The following PCNA variants were observed in gnomAD, a reference collection of about 807,000 sequenced individuals.
The protein encoded by PCNA is DNA sliding clamp PCNA.
Under a neutral mutation model 27.8 loss-of-function variants are expected in PCNA, and 4 were observed. That is an observed-to-expected ratio of 0.14 (90% CI 0.07 to 0.33). The LOEUF (loss-of-function observed/expected upper bound fraction) is 0.33. Among genes scored for constraint, PCNA ranks in the 10% least tolerant of loss-of-function variants. The pLI, the probability that PCNA is intolerant of heterozygous loss-of-function variation, is 1.00. For missense variants in PCNA, 165 were observed against 327.4 expected, an observed-to-expected ratio of 0.50 and a Z score of 3.83; for synonymous variants, 121 against 119.4, an observed-to-expected ratio of 1.01 and a Z score of -0.09.
chr20:5,120,698 CTGT>C (rs925982823), upstream of PCNA, among the ~76,000 whole-genome samples: 12 of 152,164 alleles, frequency 7.9e-5, no homozygotes, highest in Non-Finnish European at 1.6e-4. Context: ...TATCAATCTC[CTGT>C]TGTTTAACTA....
chr20:5,117,420 G>T (rs745686344), intron 4 of PCNA, 50 bp downstream of exon 4: 23 of 1,256,902 alleles, frequency 1.8e-5, no homozygotes, highest in Non-Finnish European at 2.6e-5. Context: ...CTAATAAGCA[G>T]TATTATAATT....
At position 5,119,632 on chromosome 20, in the gene PCNA, C is replaced by A. The variant is rs1402628841; in HGVS notation, c.167G>T (p.Gly56Val). The change falls in exon 1 of 6, where the codon GGC (glycine) becomes GTC (valine). Residue 56 changes from glycine (G) to valine (V), a missense_variant. Transcript: ENST00000379143. ...SLVQLTLRSEGFDTYRCDRNL... is the reference protein window; with the variant it reads ...SLVQLTLRSEVFDTYRCDRNL... The stretch of plus-strand genomic sequence containing the variant: ...GCGGTCGCAGCGGTAGGTGTCGAAG[C>A]CCTCAGACCGCAGGGTGAGCTGCAC... The A allele has an allele frequency of 6.2e-7, 1 of 1,613,788 alleles. No homozygotes were observed. Among genetic ancestry groups the A allele is most frequent in the Non-Finnish European group, 8.5e-7 (1 of 1,179,954 alleles).
upstream of PCNA, among the ~76,000 whole-genome samples, chr20:5,123,513 G>A (rs1378148364): frequency 6.6e-6 from 1 of 152,038 alleles, no homozygotes; most frequent in African/African-American, 2.4e-5. Flanking sequence ...AGGCCAACAT[G>A]GTGAAACCCC....
chr20:5,120,673 G>A (rs970573027), upstream of PCNA, among the ~76,000 whole-genome samples: 1 of 152,048 alleles, frequency 6.6e-6, no homozygotes, highest in Non-Finnish European at 1.5e-5. Context: ...AGCATCACAT[G>A]TATATAACAT....
intron 1 of PCNA, among the ~76,000 whole-genome samples, 156 bp from the exon 2 acceptor site, chr20:5,119,022 G>C (rs1309961701): frequency 6.6e-6 from 1 of 152,092 alleles, no homozygotes; most frequent in Non-Finnish European, 1.5e-5. Flanking sequence ...TATTAATGCA[G>C]ACGTTTTGGG....
At chr20:5,116,677 G>C (rs3730433) in intron 4 of PCNA, among the ~76,000 whole-genome samples, 1 of 152,042 alleles carries the variant, frequency 6.6e-6, no homozygotes, top group Non-Finnish European at 1.5e-5. Context: ...GTTTAAGATG[G>C]AATCTTGCTC....
rs1193549367 is a variant in PCNA, at chr20:5,119,951, C to T, written c.-153G>A. The T allele has an allele frequency of 6.3e-6, 4 of 633,678 alleles. No homozygotes were observed. The highest frequency in any genetic ancestry group is 5.7e-5 in the South Asian group (3 of 52,612). 39.3% of individuals were successfully genotyped at this position (633,678 alleles called of 1,614,324 possible). A position where few individuals can be genotyped will look rare whatever the true frequency, so the allele number is the denominator to read the frequency against. ...ACGACCACTCTGCTACGCCTGCAAC[C>T]GTTTAATGCCGCCGCGTCCGCAAGC... On this transcript the variant is annotated 5_prime_UTR_variant, in exon 1 of 6. Coordinates refer to ENST00000379143, the MANE Select transcript of PCNA (RefSeq NM_182649.2).
intron 4 of PCNA, among the ~76,000 whole-genome samples, chr20:5,116,802 G>A (rs750858289): frequency 2.3e-4 from 35 of 152,104 alleles, no homozygotes; most frequent in Non-Finnish European, 4.6e-4. Context: ...ACAGGTGTGC[G>A]CCACCACACC....
rs534025251 is a variant in PCNA, at chr20:5,117,924, C to T, written c.388-260G>A. Among the ~76,000 whole-genome samples the T allele has an allele frequency of 3.3e-5, 5 of 152,338 alleles. No homozygotes were observed. The East Asian group carries it at 9.6e-4, about 29-fold the overall frequency. On this transcript the variant is annotated intron_variant, in intron 3 of 5. Transcript: ENST00000379143. ...GAACATTAGAGTATGGCACAGAAAT[C>T]ATGATGGCGCAAGCAGGCCTAACTA...
In PCNA at chr20:5,119,486, C is replaced by T. The variant is rs547909328; in HGVS notation, c.221+92G>A. 1,289 of 1,040,338 alleles carry T rather than the reference C, an allele frequency of 1.2e-3. 4 individuals are homozygous for T. The highest frequency in any genetic ancestry group is 2.8e-3 in the Middle Eastern group (9 of 3,236). The allele number at this position is 1,040,338 out of a possible 1,614,324, so 64.4% of individuals were successfully genotyped here. On this transcript the variant is annotated intron_variant, in intron 1 of 5. Coordinates refer to ENST00000379143, the MANE Select transcript of PCNA (RefSeq NM_182649.2). ...AATGAGAAGGCGCGGATGGCCCACG[C>T]CAGCCAATGAGGGCTAGGCTCGAAA...
chr20:5,125,470 ATAAAT>A (rs1432549387), intron 1 of PCNA, among the ~76,000 whole-genome samples: 4 of 152,206 alleles, frequency 2.6e-5, no homozygotes, highest in African/African-American at 4.8e-5. Context: ...AAAAGGAGAA[ATAAAT>A]TAATTAAAAT....
chr20:5,119,922 G>A lies in PCNA; in HGVS notation c.-124C>T, dbSNP rs947315972. On this transcript the variant is annotated 5_prime_UTR_variant, in exon 1 of 6. Transcript: ENST00000379143. The stretch of plus-strand genomic sequence containing the variant: ...GCGACGACCGGCTGAGACCTAGAAA[G>A]ACAACGACCACTCTGCTACGCCTGC... 1.4e-5 allele frequency: 10 copies of A among 720,018 alleles called. No homozygotes were observed. Among genetic ancestry groups the A allele is most frequent in the Admixed American group, 1.2e-4 (5 of 42,892 alleles). The allele number at this position is 720,018 out of a possible 1,614,324, so 44.6% of individuals were successfully genotyped here.
intron 1 of PCNA, among the ~76,000 whole-genome samples, chr20:5,125,490 A>G (rs2090541495): frequency 6.6e-6 from 1 of 152,246 alleles, no homozygotes; most frequent in Admixed American, 6.5e-5. Flanking sequence ...TAAAATTTAA[A>G]AATTGAAAAG....
chr20:5,125,858 C>T (rs182677926), intron 1 of PCNA, among the ~76,000 whole-genome samples: 2 of 152,108 alleles, frequency 1.3e-5, no homozygotes, highest in African/African-American at 2.4e-5. Context: ...GTGTCAAAGA[C>T]ATAGAGGATG....
intron 3 of PCNA, among the ~76,000 whole-genome samples, chr20:5,117,997 A>G (rs1271015265): frequency 6.6e-6 from 1 of 152,234 alleles, no homozygotes; most frequent in Non-Finnish European, 1.5e-5. Context: ...TCAACATTCA[A>G]ACATTTCTTC....
chr20:5,118,670 C>T lies in PCNA; in HGVS notation c.327G>A (p.Glu109=), dbSNP rs138039813. ...LALVFEAPNQ[E]KVSDYEMKLM... ...ACTTCATTTCATAGTCTGAAACTTT[C>T]TCCTGGTCTACCAAAAGAAAGCAGA... Residue 109 remains glutamate (E), a synonymous_variant, in exon 3 of 6, where the codon GAG becomes GAA. Coordinates refer to ENST00000379143, the MANE Select transcript of PCNA (RefSeq NM_182649.2). 4 of 1,613,774 alleles carry T rather than the reference C, an allele frequency of 2.5e-6. No individual in the cohort carries two copies. The highest frequency in any genetic ancestry group is 3.4e-6 in the Non-Finnish European group (4 of 1,179,646).
At chr20:5,118,929 C>G (rs1348388845) in intron 1 of PCNA, 63 bp from the exon 2 acceptor site, 2 of 1,194,658 alleles carry the variant, frequency 1.7e-6, no homozygotes, top group Admixed American at 3.6e-5. Flanking sequence ...GTATTTCGAA[C>G]GCGGTTAGAA....
Position 5,115,488 on chromosome 20 carries a change from A to G in PCNA, c.667T>C (p.Ser223Pro), listed in dbSNP as rs140522967. 9.0e-5 allele frequency: 145 copies of G among 1,614,060 alleles called. No individual in the cohort carries two copies. The African/African-American group carries it at 1.6e-3, about 18-fold the overall frequency. ...NFFTKATPLS[S>P]TVTLSMSADV... ...GCAGACATACTGAGTGTCACCGTTG[A>G]AGAGAGTGGAGTGGCTTTTGTAAAG... The change falls in exon 5 of 6, where the codon TCA becomes CCA. Residue 223 changes from serine to proline, a missense_variant. By Grantham distance (74) the Ser-to-Pro change is moderately conservative. Coordinates refer to ENST00000379143, the MANE Select transcript of PCNA (RefSeq NM_182649.2).
At chr20:5,126,026 G>C (rs866600392) in intron 1 of PCNA, among the ~76,000 whole-genome samples, 12 of 152,316 alleles carry the variant, frequency 7.9e-5, no homozygotes, top group Middle Eastern at 3.4e-3. Flanking sequence ...CTGAGGTCAG[G>C]AGTTCGAGAC....
Sources: gnomAD v4.1 joint callset for allele counts (sites outside exome capture counted in the v4.1 genomes callset) on GRCh38, gnomAD v4.1.1 for gene constraint, MANE v1.5 for transcripts, NCBI Gene and HGNC (gene_info 2026-07-23, HGNC 2026-07-21) for gene names.